MMP16: variants seen among roughly 807,000 people sequenced by gnomAD.
MMP16 encodes the protein matrix metallopeptidase 16, also known as matrix metalloproteinase-16.
A neutral mutation model predicts 67.8 loss-of-function variants in MMP16; 12 were observed. That is an observed-to-expected ratio of 0.18 (90% confidence interval 0.11 to 0.29). The LOEUF is 0.29. Among genes scored for constraint, MMP16 ranks in the 10% least tolerant of loss-of-function variants. MMP16 has a pLI of 1.00. For missense variants in MMP16, 475 were observed against 765.7 expected (o/e 0.62, Z 4.48); for synonymous variants, 249 against 255.9 (o/e 0.97, Z 0.26).
At chr8:88,156,972 T>A (rs577561579) in intron 4 of MMP16, among the ~76,000 whole-genome samples, 1 of 152,230 alleles carries the variant, frequency 6.6e-6, no homozygotes, top group African/African-American at 2.4e-5. Flanking sequence ...TAGTACTGAT[T>A]TACTTCTCAA....
At chr8:88,312,613 C>T (rs962734295) in intron 1 of MMP16, among the ~76,000 whole-genome samples, 1 of 152,118 alleles carries the variant, frequency 6.6e-6, no homozygotes, top group Non-Finnish European at 1.5e-5. Context: ...CCCTCCCAGC[C>T]CTCCTGCCCT....
chr8:88,315,957 A>G (rs1486986469), intron 1 of MMP16, among the ~76,000 whole-genome samples: 3 of 152,168 alleles, frequency 2.0e-5, no homozygotes, highest in African/African-American at 7.2e-5. Context: ...AAATAGCCTT[A>G]TTACTGTTAC....
At chr8:88,173,587 T>C (rs193042437) in intron 3 of MMP16, among the ~76,000 whole-genome samples, 3 of 152,286 alleles carry the variant, frequency 2.0e-5, no homozygotes, top group African/African-American at 4.8e-5. Context: ...TAGAATTTAC[T>C]ACAAAAGGGA....
Position 88,074,745 on chromosome 8 carries a change from T to G in MMP16, c.1084-2A>C. 6.2e-7 allele frequency: 1 copy of G among 1,611,394 alleles called. No homozygotes were observed. Among genetic ancestry groups the G allele is most frequent in the Non-Finnish European group, 8.5e-7 (1 of 1,178,552 alleles). On this transcript the variant is annotated splice_acceptor_variant, in intron 6 of 9. Coordinates refer to ENST00000286614, the MANE Select transcript of MMP16 (RefSeq NM_005941.5). LOFTEE classifies it high-confidence loss of function. ...TCTCACTCGCCAAAACCACTGGTCC[T>G]GCAAACCAAGCAAAGGCATCTCTCA... is the stretch of plus-strand genomic sequence containing the variant.
intron 6 of MMP16, among the ~76,000 whole-genome samples, chr8:88,083,141 T>G (rs577836377): frequency 6.6e-6 from 1 of 152,108 alleles, no homozygotes; most frequent in African/African-American, 2.4e-5. Flanking sequence ...GATATAAGTA[T>G]GTTAATTAAT....
At chr8:88,092,345 T>C (rs1012608476) in intron 6 of MMP16, among the ~76,000 whole-genome samples, 6 of 151,916 alleles carry the variant, frequency 3.9e-5, no homozygotes, top group Non-Finnish European at 8.8e-5. Flanking sequence ...CCTTTATCTG[T>C]TTAAACCTCA....
chr8:88,296,159 C>T (rs895114721), intron 1 of MMP16, among the ~76,000 whole-genome samples: 10 of 152,140 alleles, frequency 6.6e-5, no homozygotes, highest in South Asian at 2.1e-4. Flanking sequence ...AACGATTATT[C>T]GCCAGCTTCT....
chr8:88,103,776 A>G (rs1298124772), intron 6 of MMP16, among the ~76,000 whole-genome samples: 3 of 151,838 alleles, frequency 2.0e-5, no homozygotes, highest in Non-Finnish European at 4.4e-5. Context: ...GCATGATTTT[A>G]AAGTATTTCT....
intron 4 of MMP16, among the ~76,000 whole-genome samples, chr8:88,146,476 A>C (rs1808291358): frequency 6.6e-6 from 1 of 151,980 alleles, no homozygotes; most frequent in African/African-American, 2.4e-5. Context: ...GCCTATATCC[A>C]CATGGAACAT....
chr8:88,099,380 T>C lies in MMP16; in HGVS notation c.1083+17127A>G, dbSNP rs190987899. Among the ~76,000 whole-genome samples, 487 of 151,974 alleles carry C rather than the reference T, an allele frequency of 3.2e-3. 2 individuals carry two copies. The highest frequency in any genetic ancestry group is 0.011 in the African/African-American group (456 of 41,546). ...CAGCTGAAGTCTCTAATATAATATA[T>C]AGTGACTTAATACAATTTAAAACTA... On this transcript the variant is annotated intron_variant, in intron 6 of 9. Transcript: ENST00000286614.
rs954025770 is a variant in MMP16 at position 88,138,165 on chromosome 8, A to C, written c.710-19304T>G. On this transcript the variant is annotated intron_variant, in intron 4 of 9. Transcript: ENST00000286614. ...ACTGAATACCAGGCAGTGTGCATAC[A>C]TATTGGGGAGAAGCTGGATAATATT... Among the ~76,000 whole-genome samples the C allele has an allele frequency of 2.0e-5, 3 of 151,916 alleles. No individual in the cohort carries two copies. The East Asian group carries it at 5.8e-4, about 30-fold the overall frequency.
At chr8:88,123,730 T>G (rs1392450286) in intron 4 of MMP16, among the ~76,000 whole-genome samples, 1 of 151,858 alleles carries the variant, frequency 6.6e-6, no homozygotes, top group Non-Finnish European at 1.5e-5. Flanking sequence ...GAGTTGGTAT[T>G]TACATCCTGG....
At position 88,324,195 on chromosome 8, in the gene MMP16, T is replaced by A. The variant is rs1811503765; in HGVS notation, c.132+2880A>T. On this transcript the variant is annotated intron_variant, in intron 1 of 9. Transcript: ENST00000286614. Reference sequence around the variant, plus strand: ...TCTTAGCTGTAAGAGATGTTCCTTTTTGCTTCTTAAAAAACAAGCTAACCA... The same window carrying A: ...TCTTAGCTGTAAGAGATGTTCCTTTATGCTTCTTAAAAAACAAGCTAACCA... 2.0e-5 allele frequency among the ~76,000 whole-genome samples: 3 copies of A among 152,152 alleles called. No individual in the cohort carries two copies. In the East Asian group the frequency reaches 5.8e-4, roughly 29 times the overall value.
At chr8:88,054,013 A>G (rs1444419186) in intron 8 of MMP16, among the ~76,000 whole-genome samples, 1 of 152,176 alleles carries the variant, frequency 6.6e-6, no homozygotes, top group Non-Finnish European at 1.5e-5. Flanking sequence ...TACTTTTGGC[A>G]TCTAACCTCC....
chr8:88,141,459 G>A (rs1808209486), intron 4 of MMP16, among the ~76,000 whole-genome samples: 1 of 152,162 alleles, frequency 6.6e-6, no homozygotes, highest in South Asian at 2.1e-4. Context: ...TCGAGTGGTT[G>A]AATCTGTGTG....
At chr8:88,075,087 G>A (rs1176216024) in intron 6 of MMP16, among the ~76,000 whole-genome samples, 2 of 151,934 alleles carry the variant, frequency 1.3e-5, no homozygotes, top group African/African-American at 4.8e-5. Flanking sequence ...GCAGCGTTAG[G>A]GCCATGCATG....
At chr8:88,188,589 G>A (rs966795346) in intron 2 of MMP16, among the ~76,000 whole-genome samples, 7 of 151,848 alleles carry the variant, frequency 4.6e-5, no homozygotes, top group Non-Finnish European at 1.0e-4. Context: ...AGGCAGTAAT[G>A]TCATGCTTTT....
chr8:88,116,678 C>T lies in MMP16; in HGVS notation c.912G>A (p.Pro304=), dbSNP rs149503873. The change falls in exon 6 of 10, where the codon CCG becomes CCA. Residue 304 remains proline, a synonymous_variant. Coordinates refer to ENST00000286614, the MANE Select transcript of MMP16 (RefSeq NM_005941.5). ...GAATAGAGCGGTGTGGGGGCACTGT[C>T]GGTAGAGGTCTTGTAGGTGGAGGAA... ...DKIPPPTRPL[P]TVPPHRSIPP... 9.7e-5 allele frequency: 157 copies of T among 1,613,574 alleles called. 1 individual carries two copies. In the African/African-American group the frequency reaches 1.6e-3, roughly 16 times the overall value.
intron 3 of MMP16, among the ~76,000 whole-genome samples, chr8:88,178,093 C>A (rs1476322188): frequency 6.6e-6 from 1 of 151,920 alleles, no homozygotes; most frequent in Non-Finnish European, 1.5e-5. Context: ...AACATAAAAG[C>A]TCACATCAAA....
Sources: gnomAD v4.1 joint callset for allele counts (sites outside exome capture counted in the v4.1 genomes callset) on GRCh38, gnomAD v4.1.1 for gene constraint, MANE v1.5 for transcripts, NCBI Gene and HGNC (gene_info 2026-07-23, HGNC 2026-07-21) for gene names.